ZSCAN25: variants seen among roughly 807,000 people sequenced by gnomAD.
ZSCAN25 encodes zinc finger and SCAN domain-containing protein 25.
In ZSCAN25, 27 loss-of-function variants were observed where a neutral mutation model predicts 38.7. The ratio of observed to expected loss-of-function variants is 0.70; its 90% CI spans 0.51 to 0.96. ZSCAN25 has a LOEUF of 0.96. ZSCAN25 is among the 40% of genes least tolerant of loss of function. The pLI, the probability that ZSCAN25 is intolerant of heterozygous loss-of-function variation, is 0.00. For missense variants in ZSCAN25, 637 were observed against 705.9 expected, an observed-to-expected ratio of 0.90 and a Z score of 1.11; for synonymous variants, 273 against 277.7, an observed-to-expected ratio of 0.98 and a Z score of 0.17.
At chr7:99,713,576 C>T in the ZSCAN25 span, 64 of 1,612,130 alleles carry the variant, frequency 4.0e-5, no homozygotes, top group East Asian at 2.7e-4. Context: ...GAAAGTGACT[C>T]GTGAAGTCAG....
At chr7:99,660,778 G>C in the ZSCAN25 span, 2 of 1,212,192 alleles carry the variant, frequency 1.6e-6, no homozygotes, top group South Asian at 2.7e-5. Context: ...GCAATTCAAA[G>C]TCACACTGGG....
the ZSCAN25 span, among the ~76,000 whole-genome samples, chr7:99,653,450 C>CAAATAAAT: frequency 0.29 from 42,237 of 145,172 alleles, 8,290 homozygotes; most frequent in African/African-American, 0.55. The surrounding 1 kb of genome is among the most constrained non-coding windows in gnomAD (Gnocchi z 4.2). Flanking sequence ...GACCCTGTCT[C>CAAATAAAT]AAATAAATAA....
At chr7:99,734,431 G>T in the ZSCAN25 span, among the ~76,000 whole-genome samples, 1 of 151,968 alleles carries the variant, frequency 6.6e-6, no homozygotes, top group East Asian at 1.9e-4. Context: ...GGTAAGCTGG[G>T]TACAAACCAT....
In ZSCAN25 at chr7:99,632,040, G is replaced by A. The variant is rs901436376; in HGVS notation, c.*2020G>A. On this transcript the variant is annotated 3_prime_UTR_variant, in exon 8 of 8. Transcript: ENST00000394152. ...CTGGGGAGGCCTCGGGGGGCTGCTT[G>A]TCATTACCTGAATCACAGATGCTCT... 1.0e-6 allele frequency: 1 copy of A among 985,484 alleles called. No homozygotes were observed. The highest frequency in any genetic ancestry group is 1.7e-5 in the African/African-American group (1 of 57,354). The allele number at this position is 985,484 out of a possible 1,614,324, so 61.0% of individuals were successfully genotyped here.
the ZSCAN25 span, among the ~76,000 whole-genome samples, chr7:99,737,439 GAGAA>G: frequency 6.6e-6 from 1 of 152,034 alleles, no homozygotes; most frequent in Non-Finnish European, 1.5e-5. Flanking sequence ...TCTCAGCAGG[GAGAA>G]AGAAAGATGC....
chr7:99,726,309 G>A, the ZSCAN25 span, among the ~76,000 whole-genome samples: 2 of 152,138 alleles, frequency 1.3e-5, no homozygotes, highest in Non-Finnish European at 2.9e-5. Context: ...TCACTCACCT[G>A]CTACAGCATG....
At chr7:99,706,689 G>A in the ZSCAN25 span, among the ~76,000 whole-genome samples, 1 of 152,194 alleles carries the variant, frequency 6.6e-6, no homozygotes, top group East Asian at 1.9e-4. Context: ...TTTCCCTGCA[G>A]ACAGACATGC....
At chr7:99,676,655 G>A in the ZSCAN25 span, 3 of 819,616 alleles carry the variant, frequency 3.7e-6, no homozygotes, top group South Asian at 3.9e-5. Flanking sequence ...CTCAATCACA[G>A]AGGGTCACTG....
the ZSCAN25 span, chr7:99,647,817 C>G: frequency 1.0e-6 from 1 of 985,348 alleles, no homozygotes; most frequent in East Asian, 1.1e-4. Context: ...CTATAGATTT[C>G]TCTTTAGTGT....
the ZSCAN25 span, among the ~76,000 whole-genome samples, chr7:99,710,439 A>G: frequency 1.3e-5 from 2 of 152,214 alleles, no homozygotes; most frequent in Non-Finnish European, 2.9e-5. Flanking sequence ...CGTGTGAGCA[A>G]TATGCATATT....
At chr7:99,638,833 C>T in the ZSCAN25 span, 3 of 688,386 alleles carry the variant, frequency 4.4e-6, no homozygotes, top group South Asian at 5.2e-5. Context: ...AACGCCGCCG[C>T]CGCTGCGAAA....
At chr7:99,707,014 C>T in the ZSCAN25 span, among the ~76,000 whole-genome samples, 5 of 152,138 alleles carry the variant, frequency 3.3e-5, no homozygotes, top group Non-Finnish European at 7.4e-5. Flanking sequence ...CCTCCAGTAA[C>T]TAATAACAGA....
downstream of ZSCAN25, among the ~76,000 whole-genome samples, chr7:99,634,746 G>A (rs1338918496): frequency 1.3e-5 from 2 of 152,170 alleles, no homozygotes; most frequent in South Asian, 4.1e-4. Flanking sequence ...GCAGTGAGCC[G>A]AGATCGCACC....
the ZSCAN25 span, among the ~76,000 whole-genome samples, chr7:99,681,790 G>T: frequency 6.6e-6 from 1 of 151,998 alleles, no homozygotes; most frequent in African/African-American, 2.4e-5. Flanking sequence ...CTTTCTTTGT[G>T]GTACAGAAGC....
At chr7:99,724,337 A>G in the ZSCAN25 span, among the ~76,000 whole-genome samples, 241 of 152,254 alleles carry the variant, frequency 1.6e-3, no homozygotes, top group African/African-American at 5.4e-3. Context: ...TGATTTCTCG[A>G]TCTTATAAGA....
At chr7:99,715,383 G>A in the ZSCAN25 span, 1 of 264,568 alleles carries the variant, frequency 3.8e-6, no homozygotes, top group Non-Finnish European at 7.3e-6. Context: ...TAAGCCTGAA[G>A]CCAGCAGAAG....
the ZSCAN25 span, among the ~76,000 whole-genome samples, chr7:99,679,126 C>T: frequency 6.6e-6 from 1 of 152,130 alleles, no homozygotes; most frequent in Non-Finnish European, 1.5e-5. Context: ...AGAATAAATC[C>T]TCGAAACTTC....
chr7:99,678,626 C>T, the ZSCAN25 span, among the ~76,000 whole-genome samples: 1 of 152,104 alleles, frequency 6.6e-6, no homozygotes, highest in African/African-American at 2.4e-5. Flanking sequence ...CCCTGTTTTA[C>T]CATCCAGAAG....
chr7:99,733,160 C>T, the ZSCAN25 span, among the ~76,000 whole-genome samples: 19 of 152,192 alleles, frequency 1.2e-4, no homozygotes, highest in African/African-American at 4.6e-4. Context: ...TGGGTTTTCC[C>T]ACTCCTGTTC....
Sources: allele counts gnomAD v4.1 joint callset (sites outside exome capture counted in the v4.1 genomes callset), GRCh38; gene constraint gnomAD v4.1.1; non-coding constraint Gnocchi (gnomAD v3.1); transcripts MANE v1.5; gene names NCBI Gene and HGNC (gene_info 2026-07-23, HGNC 2026-07-21).